DPY19L2: variants seen among roughly 807,000 people sequenced by gnomAD.
DPY19L2 encodes the protein probable C-mannosyltransferase DPY19L2.
DPY19L2 carries 34 observed loss-of-function variants against 97.9 expected under a neutral mutation model. The observed-to-expected ratio is 0.35, with a 90% CI of 0.26 to 0.46. DPY19L2 has a LOEUF of 0.46. Ranked by LOEUF, DPY19L2 falls within the 20% of genes least tolerant of loss-of-function variation. The probability of loss-of-function intolerance (pLI) is 1.00; values close to 1 mark genes in which losing one functional copy is unlikely to be tolerated. For missense variants in DPY19L2, 623 were observed against 911.4 expected, an observed-to-expected ratio of 0.68 and a Z score of 4.07; for synonymous variants, 230 against 307.9, an observed-to-expected ratio of 0.75 and a Z score of 2.65.
intron 6 of DPY19L2, among the ~76,000 whole-genome samples, chr12:63,637,667 G>T (rs1032163356): frequency 2.0e-5 from 3 of 152,010 alleles, no homozygotes; most frequent in Non-Finnish European, 4.4e-5. Context: ...GGAAGAAGTT[G>T]AATCCCTGAA....
chr12:63,606,398 G>A (rs1886048113), intron 12 of DPY19L2, among the ~76,000 whole-genome samples: 1 of 152,062 alleles, frequency 6.6e-6, no homozygotes, highest in South Asian at 2.1e-4. Context: ...ACTGGGTTGA[G>A]AAAACTGTTA....
chr12:63,607,664 C>A (rs1228373944), intron 12 of DPY19L2, among the ~76,000 whole-genome samples: 1 of 152,100 alleles, frequency 6.6e-6, no homozygotes, highest in African/African-American at 2.4e-5. Context: ...AGATACAGTT[C>A]ATTTCTTCTG....
At chr12:63,599,979 C>T (rs1884869445) in intron 13 of DPY19L2, among the ~76,000 whole-genome samples, 1 of 152,132 alleles carries the variant, frequency 6.6e-6, no homozygotes, top group African/African-American at 2.4e-5. Flanking sequence ...CATATGTTAA[C>T]ATCTGCAATA....
intron 20 of DPY19L2, 111 bp downstream of exon 20, chr12:63,570,647 T>TGTGTGTGTG (rs879094541): frequency 1.9e-6 from 1 of 538,184 alleles, no homozygotes; most frequent in African/African-American, 2.2e-5. Context: ...GAGGATGAGT[T>TGTGTGTGTG]TGTGTGTGTG....
At chr12:63,644,861 AT>A (rs1193390166) in intron 5 of DPY19L2, among the ~76,000 whole-genome samples, 1 of 152,086 alleles carries the variant, frequency 6.6e-6, no homozygotes, top group Non-Finnish European at 1.5e-5. Context: ...ATTCACATTT[AT>A]TTAGGTGATG....
chr12:63,636,083 G>A (rs1427263788), intron 6 of DPY19L2, among the ~76,000 whole-genome samples: 2 of 143,930 alleles, frequency 1.4e-5, no homozygotes, highest in African/African-American at 5.2e-5. Flanking sequence ...TGATCTCTTG[G>A]CAGAAACTCT....
intron 19 of DPY19L2, among the ~76,000 whole-genome samples, chr12:63,577,572 G>T (rs149099282): frequency 6.6e-6 from 1 of 151,532 alleles, no homozygotes; most frequent in Non-Finnish European, 1.5e-5. Flanking sequence ...TATATAAGGA[G>T]CTCAAACAAC....
chr12:63,643,270 C>T (rs73327556), intron 6 of DPY19L2, among the ~76,000 whole-genome samples: 2,353 of 151,182 alleles, frequency 0.016, 53 homozygotes, highest in African/African-American at 0.053. Flanking sequence ...TTTTATGTAC[C>T]GTGCTGGATA....
chr12:63,656,454 A>G (rs1894986006), intron 4 of DPY19L2, among the ~76,000 whole-genome samples: 1 of 152,024 alleles, frequency 6.6e-6, no homozygotes, highest in African/African-American at 2.4e-5. Context: ...TCTGTCTCAT[A>G]CTCTTTAATG....
chr12:63,653,977 T>C (rs1283816050), intron 4 of DPY19L2, among the ~76,000 whole-genome samples: 3 of 151,812 alleles, frequency 2.0e-5, no homozygotes, highest in Non-Finnish European at 4.4e-5. Flanking sequence ...CTGCATTCTC[T>C]GAGTTAAGAA....
chr12:63,626,855 A>G (rs1212696077), intron 6 of DPY19L2, among the ~76,000 whole-genome samples: 2 of 151,776 alleles, frequency 1.3e-5, no homozygotes, highest in Admixed American at 1.3e-4. Context: ...CTCAGCTTAC[A>G]GCAACCTCCG....
chr12:63,639,713 G>A (rs2138071508), intron 6 of DPY19L2, among the ~76,000 whole-genome samples: 1 of 152,306 alleles, frequency 6.6e-6, no homozygotes, highest in South Asian at 2.1e-4. Context: ...AGGTGCCGGA[G>A]AGGATGTGGA....
At chr12:63,591,073 T>C (rs1236704620) in intron 16 of DPY19L2, 1 of 455,848 alleles carries the variant, frequency 2.2e-6, no homozygotes, top group African/African-American at 2.0e-5. Flanking sequence ...TGTCCAGGGT[T>C]CTCCATTCAT....
chr12:63,623,390 T>C (rs945525692), intron 8 of DPY19L2, among the ~76,000 whole-genome samples: 5 of 152,194 alleles, frequency 3.3e-5, no homozygotes, highest in Non-Finnish European at 7.3e-5. Flanking sequence ...AGAACACTTT[T>C]TTCATGGCAC....
At chr12:63,644,714 G>A (rs1035337428) in intron 5 of DPY19L2, among the ~76,000 whole-genome samples, 6 of 151,974 alleles carry the variant, frequency 3.9e-5, no homozygotes, top group African/African-American at 1.2e-4. Flanking sequence ...ATATGTGTGT[G>A]TATATATACA....
intron 19 of DPY19L2, among the ~76,000 whole-genome samples, chr12:63,579,870 A>G (rs1880557476): frequency 6.6e-6 from 1 of 152,172 alleles, no homozygotes; most frequent in South Asian, 2.1e-4. Flanking sequence ...CTATCAAATA[A>G]GAAATAAAAG....
At chr12:63,638,755 TATC>T (rs1892182416) in intron 6 of DPY19L2, among the ~76,000 whole-genome samples, 1 of 152,152 alleles carries the variant, frequency 6.6e-6, no homozygotes, top group Non-Finnish European at 1.5e-5. Context: ...GAAGGATCAA[TATC>T]GTGAAAATTG....
intron 15 of DPY19L2, among the ~76,000 whole-genome samples, chr12:63,594,960 C>T (rs1883955900): frequency 6.6e-6 from 1 of 152,094 alleles, no homozygotes; most frequent in Non-Finnish European, 1.5e-5. Flanking sequence ...GGATGCAGGG[C>T]GGTAAACCTG....
intron 12 of DPY19L2, among the ~76,000 whole-genome samples, chr12:63,602,855 A>T (rs1423893008): frequency 6.6e-6 from 1 of 152,168 alleles, no homozygotes; most frequent in Non-Finnish European, 1.5e-5. Flanking sequence ...ACAATTGAGG[A>T]AATAATAGTA....
Sources: gnomAD v4.1 joint callset for allele counts (sites outside exome capture counted in the v4.1 genomes callset) on GRCh38, gnomAD v4.1.1 for gene constraint, MANE v1.5 for transcripts, NCBI Gene and HGNC (gene_info 2026-07-23, HGNC 2026-07-21) for gene names.